TIAM2: variants seen among roughly 807,000 people sequenced by gnomAD.
TIAM2 encodes the protein rho guanine nucleotide exchange factor TIAM2.
TIAM2 carries 80 observed loss-of-function variants against 152.9 expected under a neutral mutation model. The observed-to-expected ratio is 0.52, with a 90% CI of 0.44 to 0.63. The LOEUF (loss-of-function observed/expected upper bound fraction) is 0.63, where lower values mean the gene tolerates loss of function less well. Among genes scored for constraint, TIAM2 ranks in the 30% least tolerant of loss-of-function variants. TIAM2 has a pLI of 0.00. For missense variants in TIAM2, 1,965 were observed against 2,120.1 expected, an observed-to-expected ratio of 0.93 and a Z score of 1.44; for synonymous variants, 804 against 838.0, an observed-to-expected ratio of 0.96 and a Z score of 0.70.
intron 1 of TIAM2, among the ~76,000 whole-genome samples, chr6:155,023,149 G>T (rs1224184913): frequency 1.3e-5 from 2 of 149,578 alleles, no homozygotes; most frequent in Non-Finnish European, 3.0e-5. Context: ...TTTTGTTCAA[G>T]ATATCTGAGT....
chr6:155,122,734 G>A (rs926571751), intron 2 of TIAM2, among the ~76,000 whole-genome samples: 3 of 152,118 alleles, frequency 2.0e-5, no homozygotes, highest in African/African-American at 7.2e-5. Flanking sequence ...CTCGCCACAC[G>A]TTATTATACT....
At chr6:155,135,292 T>G (rs937962754) in intron 4 of TIAM2, among the ~76,000 whole-genome samples, 4 of 152,222 alleles carry the variant, frequency 2.6e-5, no homozygotes, top group Non-Finnish European at 1.5e-5. Context: ...AACTTGATTT[T>G]TGGATGAAAT....
chr6:155,032,539 T>G (rs1265728021), intron 1 of TIAM2, among the ~76,000 whole-genome samples: 1 of 151,972 alleles, frequency 6.6e-6, no homozygotes, highest in African/African-American at 2.4e-5. Context: ...GCTGCAGGGA[T>G]TTTTGTTTTT....
chr6:155,119,181 C>T (rs1032794680), intron 2 of TIAM2, among the ~76,000 whole-genome samples: 4 of 150,760 alleles, frequency 2.7e-5, no homozygotes, highest in Admixed American at 2.0e-4. Flanking sequence ...ATTACAGGTG[C>T]CTGCCACCAC....
chr6:155,149,004 G>T, intron 7 of TIAM2: 1 of 166,724 alleles, frequency 6.0e-6, no homozygotes. Flanking sequence ...GACAGACTTT[G>T]ATAGTGATTT....
intron 16 of TIAM2, among the ~76,000 whole-genome samples, chr6:155,242,350 G>T (rs530545081): frequency 4.6e-5 from 7 of 152,166 alleles, no homozygotes; most frequent in Non-Finnish European, 8.8e-5. Flanking sequence ...GAATCTTGTT[G>T]TTTTTTAACC....
chr6:155,021,278 T>G (rs969697280), intron 1 of TIAM2, among the ~76,000 whole-genome samples: 5 of 152,158 alleles, frequency 3.3e-5, no homozygotes, highest in African/African-American at 4.8e-5. Flanking sequence ...TTTCTTTTTT[T>G]GAGATGGAGT....
At position 155,129,515 on chromosome 6, in the gene TIAM2, G is replaced by C. The variant is rs145215986; in HGVS notation, c.292G>C (p.Ala98Pro). 38 of 1,613,998 alleles carry C rather than the reference G, an allele frequency of 2.4e-5. No individual in the cohort carries two copies. The highest frequency in any genetic ancestry group is 3.1e-5 in the Non-Finnish European group (37 of 1,180,016). ...TGCCTACTCCACGCACAGGACAAAT[G>C]CCCCAGGGAAGGATTTCCAGGGCAT... Reference protein sequence around the residue: ...GVAYSTHRTNAPGKDFQGISA... With the variant: ...GVAYSTHRTNPPGKDFQGISA... Residue 98 changes from alanine to proline, a missense_variant, in exon 4 of 27, where the codon GCC becomes CCC. By Grantham distance (27) the Ala-to-Pro change is conservative (BLOSUM62 -1). Transcript: ENST00000682666. The surrounding 1 kb of genome is among the most constrained non-coding windows in gnomAD (Gnocchi z 4.8).
chr6:155,178,819 C>A (rs1459100632), intron 10 of TIAM2, among the ~76,000 whole-genome samples: 3 of 152,164 alleles, frequency 2.0e-5, no homozygotes, highest in Non-Finnish European at 4.4e-5. Flanking sequence ...AAGTGATCCA[C>A]CCGCCTTGGC....
chr6:155,009,072 T>C (rs892958875), intron 1 of TIAM2, among the ~76,000 whole-genome samples: 13 of 150,164 alleles, frequency 8.7e-5, no homozygotes, highest in African/African-American at 2.9e-4. Flanking sequence ...TCCTGTCCTC[T>C]GTTTCTGACT....
At chr6:155,089,129 A>G (rs1244180948) in intron 1 of TIAM2, among the ~76,000 whole-genome samples, 1 of 152,020 alleles carries the variant, frequency 6.6e-6, no homozygotes, top group African/African-American at 2.4e-5. Context: ...ATGAGTTTTA[A>G]TATATAACCA....
At chr6:155,164,133 G>GTTTTTGTTTTTT (rs1554236333) in intron 7 of TIAM2, among the ~76,000 whole-genome samples, 2 of 118,006 alleles carry the variant, frequency 1.7e-5, no homozygotes, top group Non-Finnish European at 3.4e-5. Context: ...TAATTTTTGT[G>GTTTTTGTTTTTT]TTTTTTTTTT....
intron 15 of TIAM2, among the ~76,000 whole-genome samples, chr6:155,233,112 C>T (rs1184958973): frequency 1.3e-5 from 2 of 152,178 alleles, no homozygotes; most frequent in African/African-American, 4.8e-5. Flanking sequence ...CAGTGGACTC[C>T]TGCCACGTAT....
intron 1 of TIAM2, among the ~76,000 whole-genome samples, chr6:155,088,807 AT>A (rs1211884133): frequency 6.6e-6 from 1 of 151,990 alleles, no homozygotes; most frequent in Non-Finnish European, 1.5e-5. Flanking sequence ...CTTTTTTGCA[AT>A]TTTTTTTAAA....
chr6:155,140,383 G>A (rs561000089), intron 5 of TIAM2, among the ~76,000 whole-genome samples: 1 of 152,234 alleles, frequency 6.6e-6, no homozygotes, highest in East Asian at 1.9e-4. Flanking sequence ...TACTTAGAAT[G>A]GATGCACGTT....
intron 1 of TIAM2, among the ~76,000 whole-genome samples, chr6:155,084,079 G>A (rs753682368): frequency 7.2e-5 from 11 of 152,144 alleles, no homozygotes; most frequent in Non-Finnish European, 1.6e-4. Flanking sequence ...TTTAAAACAC[G>A]AATAGGATCC....
At chr6:155,063,390 G>T (rs762668439) in intron 1 of TIAM2, among the ~76,000 whole-genome samples, 5 of 151,512 alleles carry the variant, frequency 3.3e-5, no homozygotes, top group African/African-American at 1.2e-4. Context: ...TGCGTGTGTG[G>T]GTATGTGTGT....
At chr6:155,125,711 G>T (rs149994892) in intron 2 of TIAM2, among the ~76,000 whole-genome samples, 1 of 151,840 alleles carries the variant, frequency 6.6e-6, no homozygotes, top group Non-Finnish European at 1.5e-5. Flanking sequence ...AATGGTGCGC[G>T]CCTATAATCA....
chr6:155,024,150 CT>C (rs764713188), intron 1 of TIAM2, among the ~76,000 whole-genome samples: 1 of 152,158 alleles, frequency 6.6e-6, no homozygotes, highest in Non-Finnish European at 1.5e-5. Context: ...CAGACTGCGT[CT>C]TGCTGGCCTC....
Sources: gnomAD v4.1 joint callset for allele counts (sites outside exome capture counted in the v4.1 genomes callset) on GRCh38, gnomAD v4.1.1 for gene constraint, Gnocchi (gnomAD v3.1) non-coding constraint, MANE v1.5 for transcripts, NCBI Gene and HGNC (gene_info 2026-07-23, HGNC 2026-07-21) for gene names.